The following ELAPOR2 variants were observed in gnomAD, a reference collection of about 807,000 sequenced individuals.
ELAPOR2 encodes the protein endosome-lysosome associated apoptosis and autophagy regulator family member 2.
Under a neutral mutation model 120.7 loss-of-function variants are expected in ELAPOR2, and 89 were observed. The ratio of observed to expected loss-of-function variants is 0.74; its 90% CI spans 0.62 to 0.88. The LOEUF (loss-of-function observed/expected upper bound fraction) is 0.88. Ranked by LOEUF, ELAPOR2 falls within the 40% of genes least tolerant of loss-of-function variation. The pLI, the probability that ELAPOR2 is intolerant of heterozygous loss-of-function variation, is 0.00. For synonymous variants in ELAPOR2, 444 were observed against 444.9 expected, an observed-to-expected ratio of 1.00 and a Z score of 0.03; for missense variants, 1,134 against 1,251.6, an observed-to-expected ratio of 0.91 and a Z score of 1.42.
At chr7:87,029,901 C>G (rs1418417679) in intron 1 of ELAPOR2, among the ~76,000 whole-genome samples, 2 of 151,942 alleles carry the variant, frequency 1.3e-5, no homozygotes, top group African/African-American at 4.8e-5. Flanking sequence ...TATAAGAAAG[C>G]AGAAGCCTGG....
intron 8 of ELAPOR2, among the ~76,000 whole-genome samples, chr7:86,933,881 G>A (rs1790447483): frequency 6.6e-6 from 1 of 151,928 alleles, no homozygotes; most frequent in Non-Finnish European, 1.5e-5. Context: ...TAGGGGACTA[G>A]GTTTGTTGGT....
Position 87,054,658 on chromosome 7 carries a change from T to C in ELAPOR2, c.189+4667A>G, listed in dbSNP as rs144718541. Among the ~76,000 whole-genome samples the C allele has an allele frequency of 5.4e-3, 826 of 152,294 alleles. 10 individuals are homozygous for C. The highest frequency in any genetic ancestry group is 0.019 in the African/African-American group (776 of 41,560). On this transcript the variant is annotated intron_variant, in intron 1 of 21. Coordinates refer to ENST00000450689, the MANE Select transcript of ELAPOR2 (RefSeq NM_001142749.3). ...AAAAACATGACCATTACAGGTCTTG[T>C]GGTTTACATGGATTTTGAAGACCCA... is the stretch of plus-strand genomic sequence containing the variant.
At chr7:86,956,454 T>C (rs1791476163) in intron 2 of ELAPOR2, among the ~76,000 whole-genome samples, 2 of 152,196 alleles carry the variant, frequency 1.3e-5, no homozygotes, top group Admixed American at 6.5e-5. Flanking sequence ...TCCTTTCCAG[T>C]GGGTCTTCAC....
In ELAPOR2 at chr7:86,912,236, C is replaced by A; in HGVS notation, c.2005G>T (p.Val669Phe). 2 of 1,583,752 alleles carry A rather than the reference C, an allele frequency of 1.3e-6. No homozygotes were observed. Among genetic ancestry groups the A allele is most frequent in the South Asian group, 1.1e-5 (1 of 88,762 alleles). The change falls in exon 15 of 22, where the codon GTT (valine) becomes TTT (phenylalanine). Residue 669 changes from valine to phenylalanine, a missense_variant. Val to Phe is a conservative substitution (Grantham distance 50). This residue lies in a region of ELAPOR2 where 831 missense variants were observed against 867.6 expected (regional missense o/e 0.96). Transcript: ENST00000450689. ...TAGAAAAAGCAGTCACTATAGCAAA[C>A]CGAATGGTCCTTTGATTAAAGATAA... Reference protein sequence around the residue: ...PGSKNNQDHSVCYSDCFFYHE... With the variant: ...PGSKNNQDHSFCYSDCFFYHE...
intron 21 of ELAPOR2, among the ~76,000 whole-genome samples, chr7:86,886,988 C>G (rs533951862): frequency 1.3e-5 from 2 of 152,218 alleles, no homozygotes; most frequent in South Asian, 4.1e-4. Flanking sequence ...AAGGCATTAT[C>G]AAGACCTACA....
chr7:87,002,973 T>C (rs1026483529), intron 1 of ELAPOR2, among the ~76,000 whole-genome samples: 4 of 152,084 alleles, frequency 2.6e-5, no homozygotes, highest in African/African-American at 9.7e-5. Flanking sequence ...GCAAACAGGA[T>C]GAATGGCGCT....
At chr7:87,032,869 G>A (rs1794466449) in intron 1 of ELAPOR2, among the ~76,000 whole-genome samples, 1 of 152,186 alleles carries the variant, frequency 6.6e-6, no homozygotes, top group Non-Finnish European at 1.5e-5. Flanking sequence ...CCTTGTGTGT[G>A]AGTAAAACAC....
At chr7:86,916,195 G>C (rs941038181) in intron 12 of ELAPOR2, among the ~76,000 whole-genome samples, 1 of 152,104 alleles carries the variant, frequency 6.6e-6, no homozygotes, top group East Asian at 1.9e-4. Context: ...TCAAGTGGGA[G>C]AGACAAAAAC....
At chr7:87,043,058 C>T (rs958096843) in intron 1 of ELAPOR2, among the ~76,000 whole-genome samples, 2 of 151,930 alleles carry the variant, frequency 1.3e-5, no homozygotes, top group Admixed American at 1.3e-4. Context: ...AACACTAAAC[C>T]AGGAAGAAGT....
chr7:86,983,330 T>A (rs1302881585), intron 1 of ELAPOR2, among the ~76,000 whole-genome samples: 1 of 152,012 alleles, frequency 6.6e-6, no homozygotes, highest in Non-Finnish European at 1.5e-5. Flanking sequence ...TCAGGAAATA[T>A]AGAGAACACC....
chr7:86,957,592 G>GAA (rs921138874), intron 2 of ELAPOR2, among the ~76,000 whole-genome samples: 1 of 151,418 alleles, frequency 6.6e-6, no homozygotes, highest in Non-Finnish European at 1.5e-5. Flanking sequence ...TAAGTATGGG[G>GAA]AAAAAAAACA....
chr7:86,938,283 C>A, intron 7 of ELAPOR2, 69 bp from the exon 8 acceptor site: 1 of 1,219,750 alleles, frequency 8.2e-7, no homozygotes, highest in South Asian at 1.3e-5. Context: ...GGCAAAAAAG[C>A]AAAACAGAAA....
intron 1 of ELAPOR2, among the ~76,000 whole-genome samples, chr7:87,046,183 CA>C (rs1314178769): frequency 6.6e-6 from 1 of 151,782 alleles, no homozygotes; most frequent in South Asian, 2.1e-4. Context: ...AAACAGAAAT[CA>C]AAAAAAGTAA....
At chr7:87,007,124 G>A (rs1793508012) in intron 1 of ELAPOR2, among the ~76,000 whole-genome samples, 1 of 152,184 alleles carries the variant, frequency 6.6e-6, no homozygotes. Flanking sequence ...ACCCTGTCTT[G>A]ACACAGATAT....
chr7:86,891,714 C>A lies in ELAPOR2; in HGVS notation c.3030+10G>T. ...CACCCAGTAACACCAGGTTAAAATT[C>A]TACTCTCACCTTGGTTGCCAAAGAT... On this transcript the variant is annotated intron_variant, in intron 21 of 21. Coordinates refer to ENST00000450689, the MANE Select transcript of ELAPOR2 (RefSeq NM_001142749.3). The A allele has an allele frequency of 6.2e-7, 1 of 1,602,590 alleles. No homozygotes were observed. The highest frequency in any genetic ancestry group is 8.5e-7 in the Non-Finnish European group (1 of 1,174,558).
chr7:86,974,145 G>C (rs1792195675), intron 1 of ELAPOR2, among the ~76,000 whole-genome samples: 1 of 151,868 alleles, frequency 6.6e-6, no homozygotes, highest in Admixed American at 6.6e-5. Flanking sequence ...CATTTGTTCT[G>C]TCTAATTATA....
chr7:86,895,240 T>C (rs1365537774), intron 19 of ELAPOR2, among the ~76,000 whole-genome samples: 1 of 152,082 alleles, frequency 6.6e-6, no homozygotes, highest in Non-Finnish European at 1.5e-5. Flanking sequence ...ATATTTGTCA[T>C]TTGTATATGA....
chr7:87,042,098 A>C (rs867261454), intron 1 of ELAPOR2, among the ~76,000 whole-genome samples: 98 of 149,698 alleles, frequency 6.5e-4, no homozygotes, highest in East Asian at 1.9e-3. Context: ...CAGGAGCACC[A>C]AGATTCATAA....
intron 1 of ELAPOR2, among the ~76,000 whole-genome samples, chr7:86,986,659 AAGG>A (rs1161891214): frequency 6.6e-6 from 1 of 150,616 alleles, no homozygotes; most frequent in Non-Finnish European, 1.5e-5. Context: ...GGACCTCTTC[AAGG>A]AGAACTACAA....
Sources: gnomAD v4.1 joint callset for allele counts (sites outside exome capture counted in the v4.1 genomes callset) on GRCh38, gnomAD v4.1.1 for gene constraint, gnomAD v4.1.1 regional missense constraint, MANE v1.5 for transcripts, NCBI Gene and HGNC (gene_info 2026-07-23, HGNC 2026-07-21) for gene names.